KATNA1: variants seen among roughly 807,000 people sequenced by gnomAD.
The protein encoded by KATNA1 is katanin catalytic subunit A1.
Under a neutral mutation model 62.6 loss-of-function variants are expected in KATNA1, and 42 were observed. The observed-to-expected ratio is 0.67, with a 90% CI of 0.52 to 0.87. The LOEUF (loss-of-function observed/expected upper bound fraction) is 0.87, where lower values mean the gene tolerates loss of function less well. KATNA1 is among the 40% of genes least tolerant of loss of function. The pLI, the probability that KATNA1 is intolerant of heterozygous loss-of-function variation, is 0.00. For missense variants in KATNA1, 498 were observed against 612.5 expected (o/e 0.81, Z 1.97); for synonymous variants, 186 against 201.9 (o/e 0.92, Z 0.67).
At chr6:149,636,657 T>TA (rs956746720) in intron 2 of KATNA1, among the ~76,000 whole-genome samples, 5 of 151,834 alleles carry the variant, frequency 3.3e-5, no homozygotes, top group Admixed American at 1.3e-4. Flanking sequence ...ATTTTTTTTT[T>TA]TTGAGACAGA....
chr6:149,645,568 G>A (rs184759802), intron 1 of KATNA1, among the ~76,000 whole-genome samples: 10 of 152,112 alleles, frequency 6.6e-5, no homozygotes, highest in Admixed American at 3.3e-4. Flanking sequence ...AGATGAGATT[G>A]CCCCAAAATT....
intron 4 of KATNA1, among the ~76,000 whole-genome samples, chr6:149,617,292 C>A (rs1043276594): frequency 2.0e-5 from 3 of 152,158 alleles, no homozygotes; most frequent in Non-Finnish European, 4.4e-5. Context: ...CACTGAACTG[C>A]ACACTTGAAA....
At position 149,632,762 on chromosome 6, in the gene KATNA1, C is replaced by A; in HGVS notation, c.317G>T (p.Arg106Leu). The A allele has an allele frequency of 6.3e-7, 1 of 1,599,840 alleles. No homozygotes were observed. Among genetic ancestry groups the A allele is most frequent in the Non-Finnish European group, 8.5e-7 (1 of 1,176,606 alleles). ...EVWSMPVPVE[R>L]RPSPGPRKRQ... is the part of the protein sequence containing the mutation. ...TTCTTAAAAGGTTTCCACTTACCTT[C>A]GTTCAACAGGTACAGGCATGGACCA... The change falls in exon 3 of 11, where the codon CGA becomes CTA. Residue 106 changes from arginine to leucine, a missense_variant. Arg to Leu is a moderately radical substitution (Grantham distance 102). Coordinates refer to ENST00000367411, the MANE Select transcript of KATNA1 (RefSeq NM_007044.4).
At chr6:149,622,867 G>A (rs532691922) in intron 4 of KATNA1, among the ~76,000 whole-genome samples, 14 of 151,806 alleles carry the variant, frequency 9.2e-5, no homozygotes, top group Admixed American at 3.9e-4. Flanking sequence ...AAATTAGCTC[G>A]ATGTGGTGGC....
chr6:149,631,179 C>T (rs1273225151), intron 3 of KATNA1, among the ~76,000 whole-genome samples: 1 of 152,086 alleles, frequency 6.6e-6, no homozygotes, highest in Non-Finnish European at 1.5e-5. Flanking sequence ...GTGGGTGAAT[C>T]ACGAGGTCAG....
Position 149,634,275 on chromosome 6 carries a change from AAAAATAAAAT to A in KATNA1, c.163-1369_163-1360del, listed in dbSNP as rs377557364. The stretch of plus-strand genomic sequence containing the variant: ...GCAACAGAGCAAGACTCCATCTCAA[AAAAATAAAAT>A]AAAATAAAATAAAATAAAATAAAAT... On this transcript the variant is annotated intron_variant, in intron 2 of 10. Coordinates refer to ENST00000367411, the MANE Select transcript of KATNA1 (RefSeq NM_007044.4). 2.1e-3 allele frequency among the ~76,000 whole-genome samples: 285 copies of A among 134,020 alleles called. 2 individuals carry two copies. The highest frequency in any genetic ancestry group is 4.0e-3 in the South Asian group (17 of 4,302). The allele number at this position is 134,020 out of a possible 152,430, so 87.9% of individuals were successfully genotyped here. A position where few individuals can be genotyped will look rare whatever the true frequency, so the allele number is the denominator to read the frequency against.
At chr6:149,645,091 G>A (rs1403794398) in intron 1 of KATNA1, among the ~76,000 whole-genome samples, 1 of 152,120 alleles carries the variant, frequency 6.6e-6, no homozygotes, top group Non-Finnish European at 1.5e-5. Context: ...ACTGCAGGAA[G>A]ACTAGAAACT....
rs544379629 is a variant in KATNA1, at chr6:149,626,292, C to CTTTTTTTTTTTTT, written c.321-3022_321-3010dup. ...GAAACAACTATTTATATAACATTTA[C>CTTTTTTTTTTTTT]TTTTTTTTTTTTTTTTTTTTGAGAC... On this transcript the variant is annotated intron_variant, in intron 3 of 10. Coordinates refer to ENST00000367411, the MANE Select transcript of KATNA1 (RefSeq NM_007044.4). Among the ~76,000 whole-genome samples, 361 of 88,668 alleles carry CTTTTTTTTTTTTT rather than the reference C, an allele frequency of 4.1e-3. 48 individuals carry two copies. Among genetic ancestry groups the CTTTTTTTTTTTTT allele is most frequent in the East Asian group, 0.027 (46 of 1,706 alleles). The allele number at this position is 88,668 out of a possible 152,430, so 58.2% of individuals were successfully genotyped here.
intron 5 of KATNA1, 67 bp downstream of exon 5, chr6:149,604,594 A>C (rs1778663510): frequency 1.9e-6 from 3 of 1,550,576 alleles, no homozygotes. Context: ...ACATGCTCAC[A>C]TTTGCTCCAT....
chr6:149,612,462 T>A (rs573686648), intron 4 of KATNA1, among the ~76,000 whole-genome samples: 1 of 152,272 alleles, frequency 6.6e-6, no homozygotes, highest in African/African-American at 2.4e-5. Context: ...TGAGCCAAGA[T>A]CGCGCCACTG....
intron 6 of KATNA1, 90 bp downstream of exon 6, chr6:149,603,178 C>T: frequency 1.7e-6 from 1 of 593,396 alleles, no homozygotes; most frequent in Non-Finnish European, 3.0e-6. Flanking sequence ...CACTTTCTCC[C>T]TCCACTTTTC....
intron 5 of KATNA1, among the ~76,000 whole-genome samples, chr6:149,604,446 A>G (rs909864924): frequency 6.6e-6 from 1 of 152,208 alleles, no homozygotes; most frequent in East Asian, 1.9e-4. Flanking sequence ...AGCCTGGGCA[A>G]TAAAGTGAGA....
At chr6:149,611,726 A>G (rs572881553) in intron 4 of KATNA1, among the ~76,000 whole-genome samples, 133 of 152,256 alleles carry the variant, frequency 8.7e-4, no homozygotes, top group African/African-American at 3.0e-3. Context: ...ATGGCCAGGC[A>G]TGGTGGCTTA....
At chr6:149,646,661 C>T (rs1022819380) in intron 1 of KATNA1, among the ~76,000 whole-genome samples, 5 of 152,056 alleles carry the variant, frequency 3.3e-5, no homozygotes, top group African/African-American at 9.7e-5. Flanking sequence ...TTTAAAAACA[C>T]CAAAAAGCAA....
At chr6:149,632,735 G>A (rs777638906) in intron 3 of KATNA1, 24 bp downstream of exon 3, 6 of 1,585,124 alleles carry the variant, frequency 3.8e-6, no homozygotes, top group Non-Finnish European at 5.1e-6. Context: ...GGGATAACTG[G>A]TTTCTTAAAA....
chr6:149,611,646 G>A (rs972950039), intron 4 of KATNA1, among the ~76,000 whole-genome samples: 28 of 152,006 alleles, frequency 1.8e-4, no homozygotes, highest in Admixed American at 5.2e-4. Context: ...CAGAGAACAC[G>A]TATTACTGGT....
intron 1 of KATNA1, among the ~76,000 whole-genome samples, chr6:149,644,762 C>T (rs982398872): frequency 6.6e-6 from 1 of 152,168 alleles, no homozygotes; most frequent in Non-Finnish European, 1.5e-5. Flanking sequence ...TTTAAAGGTT[C>T]CATGTTTTGA....
At chr6:149,623,337 A>G in intron 3 of KATNA1, 54 bp from the exon 4 acceptor site, 2 of 1,300,258 alleles carry the variant, frequency 1.5e-6, no homozygotes, top group Non-Finnish European at 2.1e-6. Flanking sequence ...ATGGATGAAC[A>G]CACATACTGT....
At chr6:149,632,658 C>G in intron 3 of KATNA1, 101 bp downstream of exon 3, 1 of 949,892 alleles carries the variant, frequency 1.1e-6, no homozygotes, top group Non-Finnish European at 1.5e-6. Context: ...AAAGAAAACT[C>G]CCTCCCATTC....
Sources: gnomAD v4.1 joint callset for allele counts (sites outside exome capture counted in the v4.1 genomes callset) on GRCh38, gnomAD v4.1.1 for gene constraint, MANE v1.5 for transcripts, NCBI Gene and HGNC (gene_info 2026-07-23, HGNC 2026-07-21) for gene names.